Variants in ERN1 observed in about 807,000 individuals in gnomAD.
The protein encoded by ERN1 is serine/threonine-protein kinase/endoribonuclease IRE1.
A neutral mutation model predicts 113.1 loss-of-function variants in ERN1; 39 were observed. The observed-to-expected ratio is 0.34, with a 90% CI of 0.27 to 0.45. The LOEUF (loss-of-function observed/expected upper bound fraction) is 0.45, where lower values mean the gene tolerates loss of function less well. Among genes scored for constraint, ERN1 ranks in the 20% least tolerant of loss-of-function variants. The pLI is 1.00. For missense variants in ERN1, 976 were observed against 1,274.8 expected, an observed-to-expected ratio of 0.77 and a Z score of 3.57; for synonymous variants, 507 against 515.9, an observed-to-expected ratio of 0.98 and a Z score of 0.23.
chr17:64,063,767 T>G lies in ERN1; in HGVS notation c.1087+219A>C, dbSNP rs932471443. Reference sequence around the variant, plus strand: ...TTACATTAATTTAGTACCTGAGTTTTGGAACATTAAACAGTTTTCAAAAAC... The same window carrying G: ...TTACATTAATTTAGTACCTGAGTTTGGGAACATTAAACAGTTTTCAAAAAC... On this transcript the variant is annotated intron_variant, in intron 10 of 21. Coordinates refer to ENST00000433197, the MANE Select transcript of ERN1 (RefSeq NM_001433.5). This position sits in a 1 kb window ranked among gnomAD's most constrained non-coding sequence, Gnocchi z 5.1. Among the ~76,000 whole-genome samples the G allele has an allele frequency of 3.9e-5, 6 of 152,218 alleles. No homozygotes were observed. The highest frequency in any genetic ancestry group is 1.4e-4 in the African/African-American group (6 of 41,444).
intron 2 of ERN1, among the ~76,000 whole-genome samples, chr17:64,088,951 A>T (rs1029826164): frequency 2.0e-5 from 3 of 152,092 alleles, no homozygotes; most frequent in African/African-American, 7.2e-5. Flanking sequence ...CAGTGACACC[A>T]TGGGGAAGAA....
chr17:64,057,279 T>A (rs1912900612), intron 12 of ERN1, among the ~76,000 whole-genome samples: 2 of 152,234 alleles, frequency 1.3e-5, no homozygotes, highest in Admixed American at 1.3e-4. Flanking sequence ...AACACTAAGA[T>A]TTAGGAACAA....
intron 12 of ERN1, among the ~76,000 whole-genome samples, chr17:64,056,324 C>A (rs1253713860): frequency 6.6e-6 from 1 of 152,220 alleles, no homozygotes; most frequent in African/African-American, 2.4e-5. Flanking sequence ...GGTAGCATGG[C>A]TGAGCCAGTG....
chr17:64,079,750 T>C lies in ERN1; in HGVS notation c.210-16A>G. On this transcript the variant is annotated splice_polypyrimidine_tract_variant and intron_variant, in intron 3 of 21. Coordinates refer to ENST00000433197, the MANE Select transcript of ERN1 (RefSeq NM_001433.5). Reference sequence around the variant, plus strand: ...AAAGGCAGGCCTAGAGATTAAATAATAAATATCAAAGATAAATTACAGCCC... The same window carrying C: ...AAAGGCAGGCCTAGAGATTAAATAACAAATATCAAAGATAAATTACAGCCC... 6.2e-7 allele frequency: 1 copy of C among 1,603,634 alleles called. No homozygotes were observed. The highest frequency in any genetic ancestry group is 8.5e-7 in the Non-Finnish European group (1 of 1,171,866).
chr17:64,052,111 A>G (rs1391412164), intron 17 of ERN1, among the ~76,000 whole-genome samples: 1 of 152,230 alleles, frequency 6.6e-6, no homozygotes, highest in East Asian at 1.9e-4. Context: ...CATGTCTGCA[A>G]TCCCAGCACT....
chr17:64,071,224 G>T (rs1446254099), intron 6 of ERN1, among the ~76,000 whole-genome samples: 2 of 152,170 alleles, frequency 1.3e-5, no homozygotes, highest in African/African-American at 4.8e-5. Flanking sequence ...GGGTGTTCCT[G>T]AGCAGGGTGC....
chr17:64,106,178 T>C (rs781664601), intron 1 of ERN1, among the ~76,000 whole-genome samples: 2 of 152,196 alleles, frequency 1.3e-5, no homozygotes, highest in Non-Finnish European at 2.9e-5. Flanking sequence ...TAAATTGGCG[T>C]TAAGGGTTCC....
chr17:64,124,697 G>A (rs371168257), intron 1 of ERN1, among the ~76,000 whole-genome samples: 4 of 152,106 alleles, frequency 2.6e-5, no homozygotes, highest in Non-Finnish European at 5.9e-5. Context: ...GCCCAGTCTC[G>A]GGTATGTCTT....
In ERN1 at chr17:64,130,063, C is replaced by T; in HGVS notation, c.-34G>A. 7.3e-7 allele frequency: 1 copy of T among 1,367,812 alleles called. No homozygotes were observed. Among genetic ancestry groups the T allele is most frequent in the South Asian group, 1.7e-5 (1 of 57,924 alleles). The allele number at this position is 1,367,812 out of a possible 1,614,324, so 84.7% of individuals were successfully genotyped here. On this transcript the variant is annotated 5_prime_UTR_variant, in exon 1 of 22. Coordinates refer to ENST00000433197, the MANE Select transcript of ERN1 (RefSeq NM_001433.5). This position sits in a 1 kb window ranked among gnomAD's most constrained non-coding sequence, Gnocchi z 4.0. ...CTCGGCCCTGGCTCCGGGGGCGGTA[C>T]GGACAGAGGACGGGGCGGGGGCGCC... is the stretch of plus-strand genomic sequence containing the variant.
At chr17:64,081,934 C>A (rs1913780410) in intron 2 of ERN1, among the ~76,000 whole-genome samples, 1 of 152,150 alleles carries the variant, frequency 6.6e-6, no homozygotes, top group South Asian at 2.1e-4. Flanking sequence ...AGGAGACTCA[C>A]AGCGATGAGG....
intron 12 of ERN1, among the ~76,000 whole-genome samples, chr17:64,057,418 G>C (rs558622591): frequency 6.7e-6 from 1 of 149,446 alleles, no homozygotes; most frequent in African/African-American, 2.5e-5. Flanking sequence ...GCCCAGGCTG[G>C]AGTGCAGTGG....
At chr17:64,048,055 A>AG in intron 18 of ERN1, 70 bp from the exon 19 acceptor site, 1 of 1,362,500 alleles carries the variant, frequency 7.3e-7, no homozygotes, top group Non-Finnish European at 1.0e-6. Flanking sequence ...AAAAACTTTA[A>AG]AAAGCTGCAC....
rs904469210 is a variant in ERN1 at position 64,044,310 on chromosome 17, T to G, written c.2722-110A>C. On this transcript the variant is annotated intron_variant, in intron 21 of 21. Coordinates refer to ENST00000433197, the MANE Select transcript of ERN1 (RefSeq NM_001433.5). The surrounding 1 kb of genome is among the most constrained non-coding windows in gnomAD (Gnocchi z 4.1). The stretch of plus-strand genomic sequence containing the variant: ...GGAAGAGACAGAATGTGAGTGTTGG[T>G]TTTTGGTAAAGAAAAAGAAAAAAGG... 43 of 756,638 alleles carry G rather than the reference T, an allele frequency of 5.7e-5. No homozygotes were observed. In the African/African-American group the frequency reaches 6.8e-4, roughly 12 times the overall value. The allele number at this position is 756,638 out of a possible 1,614,324, so 46.9% of individuals were successfully genotyped here.
chr17:64,088,153 C>G (rs1189445355), intron 2 of ERN1, among the ~76,000 whole-genome samples: 1 of 152,162 alleles, frequency 6.6e-6, no homozygotes. Flanking sequence ...AGGAGCCTTG[C>G]AAGATCCTTC....
intron 11 of ERN1, among the ~76,000 whole-genome samples, chr17:64,059,103 T>C (rs189327011): frequency 5.2e-4 from 79 of 152,344 alleles, no homozygotes; most frequent in South Asian, 2.5e-3. Context: ...TTTTCTTCTG[T>C]ATGTGTTTAT....
chr17:64,074,105 A>G (rs1014869048), intron 5 of ERN1, among the ~76,000 whole-genome samples: 1 of 152,198 alleles, frequency 6.6e-6, no homozygotes, highest in African/African-American at 2.4e-5. Flanking sequence ...TAGGACCACG[A>G]ACCTTTTCCA....
At chr17:64,077,280 G>A (rs1913622078) in intron 4 of ERN1, among the ~76,000 whole-genome samples, 1 of 152,132 alleles carries the variant, frequency 6.6e-6, no homozygotes, top group Non-Finnish European at 1.5e-5. Flanking sequence ...GAATTACTTG[G>A]AAGCTTTAAA....
Position 64,055,706 on chromosome 17 carries a change from G to A in ERN1, c.1641C>T (p.Gly547=), listed in dbSNP as rs745914547. The A allele has an allele frequency of 6.2e-7, 1 of 1,603,272 alleles. No homozygotes were observed. The highest frequency in any genetic ancestry group is 8.5e-7 in the Non-Finnish European group (1 of 1,174,496). The stretch of plus-strand genomic sequence containing the variant: ...CGTCTTGTTCCAGGGAGGGGCTGCT[G>A]CCAGCCTTGGAGGCAGAGCTGCCGG... ...LCSGSSASKA[G]SSPSLEQDDG... The change falls in exon 13 of 22, where the codon GGC becomes GGT. Residue 547 remains glycine, a synonymous_variant. Coordinates refer to ENST00000433197, the MANE Select transcript of ERN1 (RefSeq NM_001433.5).
At chr17:64,105,984 C>G (rs139167971) in intron 1 of ERN1, among the ~76,000 whole-genome samples, 39 of 151,636 alleles carry the variant, frequency 2.6e-4, no homozygotes, top group Middle Eastern at 3.4e-3. Flanking sequence ...AGAAAGAAAA[C>G]CATTCCTCCA....
Sources: allele counts gnomAD v4.1 joint callset (sites outside exome capture counted in the v4.1 genomes callset), GRCh38; gene constraint gnomAD v4.1.1; non-coding constraint Gnocchi (gnomAD v3.1); transcripts MANE v1.5; gene names NCBI Gene and HGNC (gene_info 2026-07-23, HGNC 2026-07-21).